The following SLC25A26 variants were observed in gnomAD, a reference collection of about 807,000 sequenced individuals.
The protein encoded by SLC25A26 is solute carrier family 25 member 26, also known as mitochondrial S-adenosylmethionine carrier protein.
Under a neutral mutation model 37.8 loss-of-function variants are expected in SLC25A26, and 36 were observed. The observed-to-expected ratio is 0.95, with a 90% confidence interval of 0.73 to 1.26. The LOEUF is 1.26. Ranked by LOEUF, SLC25A26 falls within the 50% of genes most tolerant of loss-of-function variation. SLC25A26 has a pLI of 0.00. For missense variants in SLC25A26, 390 were observed against 331.1 expected, an observed-to-expected ratio of 1.18 and a Z score of -1.38; for synonymous variants, 129 against 122.5, an observed-to-expected ratio of 1.05 and a Z score of -0.35.
intron 1 of SLC25A26, among the ~76,000 whole-genome samples, chr3:66,208,913 A>C (rs1215374092): frequency 1.1e-5 from 1 of 93,718 alleles, no homozygotes; most frequent in Non-Finnish European, 2.0e-5. Context: ...TATATATATA[A>C]ATGTGTATAT....
At chr3:66,192,593 A>G (rs1007235032) in intron 1 of SLC25A26, among the ~76,000 whole-genome samples, 117 of 152,350 alleles carry the variant, frequency 7.7e-4, no homozygotes, top group African/African-American at 2.7e-3. Flanking sequence ...AAGTAGTAGT[A>G]TTAAAAAGAA....
chr3:66,141,847 C>T (rs1453453623), intron 1 of SLC25A26, among the ~76,000 whole-genome samples: 3 of 152,218 alleles, frequency 2.0e-5, no homozygotes. Flanking sequence ...AGACTCAAAG[C>T]TGTGGATGGA....
intron 5 of SLC25A26, among the ~76,000 whole-genome samples, chr3:66,317,427 C>T (rs2075570512): frequency 6.6e-6 from 1 of 152,148 alleles, no homozygotes; most frequent in Non-Finnish European, 1.5e-5. Context: ...CCCCTCCCAT[C>T]CCTGGAGGTA....
At chr3:66,367,518 A>G (rs1411992110) in intron 7 of SLC25A26, among the ~76,000 whole-genome samples, 1 of 152,200 alleles carries the variant, frequency 6.6e-6, no homozygotes, top group East Asian at 1.9e-4. Flanking sequence ...TGGTCTTTCC[A>G]ACTCCAAAGA....
chr3:66,229,511 G>A (rs540343027), intron 1 of SLC25A26, among the ~76,000 whole-genome samples: 210 of 152,284 alleles, frequency 1.4e-3, no homozygotes, highest in Non-Finnish European at 2.7e-3. Flanking sequence ...TTTTATAAGT[G>A]TCTCGCATTT....
intron 1 of SLC25A26, among the ~76,000 whole-genome samples, chr3:66,209,475 G>A (rs1367355648): frequency 2.2e-5 from 3 of 137,670 alleles, no homozygotes; most frequent in Admixed American, 7.7e-5. Flanking sequence ...ATATATAAAG[G>A]TGTATACATA....
chr3:66,337,836 A>G (rs2076124695), intron 5 of SLC25A26, among the ~76,000 whole-genome samples: 1 of 152,022 alleles, frequency 6.6e-6, no homozygotes, highest in South Asian at 2.1e-4. Context: ...ATATTCTGCC[A>G]TTTTTATTTC....
chr3:66,375,366 A>G (rs961385232), intron 9 of SLC25A26, among the ~76,000 whole-genome samples: 16 of 152,260 alleles, frequency 1.1e-4, no homozygotes, highest in Admixed American at 9.2e-4. Context: ...ACACTAAACA[A>G]CAGATTTTCA....
At chr3:66,193,335 T>G (rs1239118978) in intron 1 of SLC25A26, among the ~76,000 whole-genome samples, 1 of 152,154 alleles carries the variant, frequency 6.6e-6, no homozygotes, top group Non-Finnish European at 1.5e-5. Context: ...TATGCCCAGG[T>G]CAACAGAGGT....
intron 5 of SLC25A26, among the ~76,000 whole-genome samples, chr3:66,294,003 C>CT (rs907026926): frequency 1.1e-4 from 17 of 151,042 alleles, no homozygotes; most frequent in South Asian, 4.2e-4. Flanking sequence ...TACCTGGGCT[C>CT]TTTTTTTTTG....
At chr3:66,274,421 G>A (rs1308948423) in intron 5 of SLC25A26, among the ~76,000 whole-genome samples, 2 of 151,914 alleles carry the variant, frequency 1.3e-5, no homozygotes, top group Admixed American at 6.6e-5. Context: ...AAACTAAAGA[G>A]CTTCTGCACA....
chr3:66,239,260 C>T (rs1290569237), intron 2 of SLC25A26, among the ~76,000 whole-genome samples: 1 of 149,498 alleles, frequency 6.7e-6, no homozygotes, highest in South Asian at 2.1e-4. Flanking sequence ...CCTTCATCCC[C>T]AACCTTTTTT....
intron 1 of SLC25A26, among the ~76,000 whole-genome samples, chr3:66,199,387 C>A (rs1305867432): frequency 6.6e-6 from 1 of 152,006 alleles, no homozygotes; most frequent in Non-Finnish European, 1.5e-5. Context: ...TTATCCTAAA[C>A]CTCACTGTCA....
At chr3:66,305,585 A>G (rs2075195338) in intron 5 of SLC25A26, among the ~76,000 whole-genome samples, 1 of 152,164 alleles carries the variant, frequency 6.6e-6, no homozygotes, top group Admixed American at 6.5e-5. Context: ...AGCATGCATT[A>G]GCCATCTTTC....
chr3:66,332,579 C>CT (rs1038809361), intron 5 of SLC25A26, among the ~76,000 whole-genome samples: 1 of 151,844 alleles, frequency 6.6e-6, no homozygotes, highest in Non-Finnish European at 1.5e-5. Flanking sequence ...CTTGGATTTT[C>CT]TTTTTTTATT....
At position 66,290,934 on chromosome 3, in the gene SLC25A26, C is replaced by T. The variant is rs561965843; in HGVS notation, c.453+27555C>T. On this transcript the variant is annotated intron_variant, in intron 5 of 9. Coordinates refer to ENST00000354883, the MANE Select transcript of SLC25A26 (RefSeq NM_001379210.1). ...CTCTGGTAGAATTCGGCTGTGAATCCGTCTGGTACTGGGCCTTTTTTGGTT... is the reference window on the plus strand; with the variant it reads ...CTCTGGTAGAATTCGGCTGTGAATCTGTCTGGTACTGGGCCTTTTTTGGTT... Among the ~76,000 whole-genome samples, 200 of 152,180 alleles carry T rather than the reference C, an allele frequency of 1.3e-3. 1 individual carries two copies. The highest frequency in any genetic ancestry group is 8.1e-3 in the South Asian group (39 of 4,828).
chr3:66,288,943 A>G (rs1470461893), intron 5 of SLC25A26, among the ~76,000 whole-genome samples: 6 of 152,190 alleles, frequency 3.9e-5, no homozygotes, highest in Non-Finnish European at 7.3e-5. Context: ...ACTCCCACCA[A>G]CAGTGTAAAA....
chr3:66,216,402 C>G (rs2071361744), upstream of SLC25A26, among the ~76,000 whole-genome samples: 1 of 152,068 alleles, frequency 6.6e-6, no homozygotes, highest in African/African-American at 2.4e-5. Context: ...GTCCCACCTA[C>G]TTGAGGAGCT....
chr3:66,366,493 T>G (rs748199362), intron 7 of SLC25A26, among the ~76,000 whole-genome samples: 1 of 152,166 alleles, frequency 6.6e-6, no homozygotes, highest in Non-Finnish European at 1.5e-5. Flanking sequence ...AAATACAACT[T>G]CTCTCATGGT....
Sources: allele counts gnomAD v4.1 joint callset (sites outside exome capture counted in the v4.1 genomes callset), GRCh38; gene constraint gnomAD v4.1.1; transcripts MANE v1.5; gene names NCBI Gene and HGNC (gene_info 2026-07-23, HGNC 2026-07-21).